The following HTR5A variants were observed in gnomAD, a reference collection of about 807,000 sequenced individuals.
HTR5A encodes 5-HT-5.
In HTR5A, 21 loss-of-function variants were observed where a neutral mutation model predicts 24.3. That is an observed-to-expected ratio of 0.86 (90% CI 0.61 to 1.24). HTR5A has a LOEUF of 1.24. HTR5A is among the 50% of genes most tolerant of loss of function. HTR5A has a pLI of 0.00. For missense variants in HTR5A, 497 were observed against 489.5 expected, an observed-to-expected ratio of 1.02 and a Z score of -0.15; for synonymous variants, 260 against 213.7, an observed-to-expected ratio of 1.22 and a Z score of -1.89.
intron 1 of HTR5A, among the ~76,000 whole-genome samples, chr7:155,082,724 C>T (rs60728459): frequency 0.029 from 4,456 of 152,278 alleles, 197 homozygotes; most frequent in African/African-American, 0.1. Flanking sequence ...AGCTTTCCCT[C>T]TTTCCTTTAT....
chr7:155,073,117 G>A (rs1242989580), intron 1 of HTR5A, among the ~76,000 whole-genome samples: 4 of 151,974 alleles, frequency 2.6e-5, no homozygotes, highest in Non-Finnish European at 5.9e-5. Flanking sequence ...TCAGGAGATC[G>A]AGACCATTCT....
rs564572933 is a variant in HTR5A, at chr7:155,071,104, C to G, written c.205C>G (p.Arg69Gly). The G allele has an allele frequency of 1.7e-5, 28 of 1,606,836 alleles. No individual in the cohort carries two copies. The Admixed American group carries it at 4.7e-4, about 27-fold the overall frequency. Residue 69 changes from arginine to glycine, a missense_variant, in exon 1 of 2, where the codon CGC becomes GGC. Arg to Gly is a moderately radical substitution (Grantham distance 125). Transcript: ENST00000287907. ...GGTGCTGGCGACCATCCTCCGTGTA[C>G]GCACCTTCCACCGCGTGCCCCACAA... ...LLVLATILRV[R>G]TFHRVPHNLV...
chr7:155,086,571 C>T lies in HTR5A; in HGVS notation c.*2084C>T, dbSNP rs1795479465. On this transcript the variant is annotated 3_prime_UTR_variant, in exon 2 of 2. Transcript: ENST00000287907. ...GATAAGCCTCATTATTCTTATCACTCAATATGTATTTAACACCTCTCAGGT... is the reference window on the plus strand; with the variant it reads ...GATAAGCCTCATTATTCTTATCACTTAATATGTATTTAACACCTCTCAGGT... Among the ~76,000 whole-genome samples, 1 of 152,160 alleles carries T rather than the reference C, an allele frequency of 6.6e-6. No homozygotes were observed. Among genetic ancestry groups the T allele is most frequent in the Admixed American group, 6.5e-5 (1 of 15,276 alleles).
intron 1 of HTR5A, among the ~76,000 whole-genome samples, chr7:155,078,874 T>C (rs555610649): frequency 6.6e-6 from 1 of 152,078 alleles, no homozygotes; most frequent in African/African-American, 2.4e-5. Context: ...ATAAATTCTA[T>C]AACAAAAGTT....
chr7:155,080,011 C>G (rs1795398850), intron 1 of HTR5A, among the ~76,000 whole-genome samples: 1 of 152,176 alleles, frequency 6.6e-6, no homozygotes, highest in African/African-American at 2.4e-5. Flanking sequence ...ATCATTAGCC[C>G]TCAGGTCCAG....
At chr7:155,075,722 T>A (rs536565770) in intron 1 of HTR5A, among the ~76,000 whole-genome samples, 2 of 152,338 alleles carry the variant, frequency 1.3e-5, no homozygotes, top group East Asian at 3.9e-4. Context: ...CTTCCATGAC[T>A]GGCCACAAGG....
intron 1 of HTR5A, among the ~76,000 whole-genome samples, chr7:155,074,280 C>A (rs148125162): frequency 6.6e-6 from 1 of 152,122 alleles, no homozygotes; most frequent in African/African-American, 2.4e-5. Flanking sequence ...ATAAGACTTG[C>A]CCTTGTCAAA....
At chr7:155,083,604 A>G (rs746339541) in intron 1 of HTR5A, among the ~76,000 whole-genome samples, 14 of 152,220 alleles carry the variant, frequency 9.2e-5, no homozygotes, top group Non-Finnish European at 1.6e-4. Flanking sequence ...GGGGTAGAGG[A>G]AGACACAGAA....
intron 1 of HTR5A, among the ~76,000 whole-genome samples, chr7:155,081,348 TACC>T (rs1795415294): frequency 6.6e-6 from 1 of 152,194 alleles, no homozygotes; most frequent in South Asian, 2.1e-4. Flanking sequence ...TAAAAGAACA[TACC>T]AGATTTGTGA....
rs994434416 is a variant in HTR5A at position 155,086,900 on chromosome 7, G to A, written c.*2413G>A. ...TCAAAATAACTAATTGTGTTCCCGTGCCAGATTGCAACAACCACCTTTATT... is the reference window on the plus strand; with the variant it reads ...TCAAAATAACTAATTGTGTTCCCGTACCAGATTGCAACAACCACCTTTATT... On this transcript the variant is annotated 3_prime_UTR_variant, in exon 2 of 2. Coordinates refer to ENST00000287907, the MANE Select transcript of HTR5A (RefSeq NM_024012.4). Among the ~76,000 whole-genome samples the A allele has an allele frequency of 6.6e-6, 1 of 152,132 alleles. No homozygotes were observed.
At position 155,084,677 on chromosome 7, in the gene HTR5A, G is replaced by A. The variant is rs1478034525; in HGVS notation, c.*190G>A. 8.7e-6 allele frequency: 5 copies of A among 575,732 alleles called. No homozygotes were observed. The African/African-American group carries it at 9.4e-5, about 11-fold the overall frequency. The allele number at this position is 575,732 out of a possible 1,614,324, so 35.7% of individuals were successfully genotyped here. A position where few individuals can be genotyped will look rare whatever the true frequency, so the allele number is the denominator to read the frequency against. ...GGAATATGACTCCTCATAGAGTTAC[G>A]GTGACATGATGTATCTAACTTATCT... On this transcript the variant is annotated 3_prime_UTR_variant, in exon 2 of 2. Coordinates refer to ENST00000287907, the MANE Select transcript of HTR5A (RefSeq NM_024012.4).
Position 155,070,784 on chromosome 7 carries a change from C to A in HTR5A, c.-116C>A. 1 of 1,102,342 alleles carries A rather than the reference C, an allele frequency of 9.1e-7. No individual in the cohort carries two copies. The highest frequency in any genetic ancestry group is 1.3e-6 in the Non-Finnish European group (1 of 769,004). 68.3% of individuals were successfully genotyped at this position (1,102,342 alleles called of 1,614,324 possible). A position where few individuals can be genotyped will look rare whatever the true frequency, so the allele number is the denominator to read the frequency against. ...CAAATTCACAGGCACTTTCCAGAAA[C>A]TCCCCCACTGGCCAGAGGTTGCAAA... On this transcript the variant is annotated 5_prime_UTR_variant, in exon 1 of 2. Coordinates refer to ENST00000287907, the MANE Select transcript of HTR5A (RefSeq NM_024012.4).
chr7:155,078,751 C>CTTTTTTTTTTTTTTTTTTTTTTTTTT (rs67688182), intron 1 of HTR5A, among the ~76,000 whole-genome samples: 3 of 139,190 alleles, frequency 2.2e-5, no homozygotes, highest in Non-Finnish European at 4.6e-5. Flanking sequence ...TTCTGTGCTT[C>CTTTTTTTTTTTTTTTTTTTTTTTTTT]TTTTTTTTTT....
rs1046252693 is a variant in HTR5A at position 155,086,506 on chromosome 7, A to G, written c.*2019A>G. Among the ~76,000 whole-genome samples, 10 of 152,224 alleles carry G rather than the reference A, an allele frequency of 6.6e-5. No homozygotes were observed. The highest frequency in any genetic ancestry group is 1.3e-4 in the Non-Finnish European group (9 of 68,034). On this transcript the variant is annotated 3_prime_UTR_variant, in exon 2 of 2. Coordinates refer to ENST00000287907, the MANE Select transcript of HTR5A (RefSeq NM_024012.4). ...AACGATGTTATTATAATATTAATTC[A>G]ATCTCCAGCTGAGGGTTTTATTAAT... is the stretch of plus-strand genomic sequence containing the variant.
intron 1 of HTR5A, among the ~76,000 whole-genome samples, chr7:155,072,453 A>G (rs1795308050): frequency 6.6e-6 from 1 of 152,206 alleles, no homozygotes; most frequent in Admixed American, 6.5e-5. Context: ...TATTTACTGC[A>G]TGACAACCAC....
In HTR5A at chr7:155,071,502, C is replaced by G. The variant is rs367906443; in HGVS notation, c.603C>G (p.Ala201=). Residue 201 remains alanine (A), a synonymous_variant, in exon 1 of 2, where the codon GCC becomes GCG. Transcript: ENST00000287907. ...AGGTAAGCCGCGAGCCTTCCTACGC[C>G]GTGTTCTCCACCGTAGGCGCCTTCT... The part of the protein sequence containing the change: ...ECQVSREPSY[A]VFSTVGAFYL... 2 of 1,614,072 alleles carry G rather than the reference C, an allele frequency of 1.2e-6. No homozygotes were observed. The highest frequency in any genetic ancestry group is 2.7e-5 in the African/African-American group (2 of 74,934).
At position 155,071,138 on chromosome 7, in the gene HTR5A, C is replaced by T. The variant is rs896751450; in HGVS notation, c.239C>T (p.Ala80Val). The T allele has an allele frequency of 3.7e-6, 6 of 1,604,852 alleles. No individual in the cohort carries two copies. The Admixed American group carries it at 1.0e-4, about 27-fold the overall frequency. Residue 80 changes from alanine to valine, a missense_variant, in exon 1 of 2, where the codon GCA becomes GTA. By Grantham distance (64) the Ala-to-Val change is moderately conservative (BLOSUM62 0). Coordinates refer to ENST00000287907, the MANE Select transcript of HTR5A (RefSeq NM_024012.4). Reference protein sequence around the residue: ...TFHRVPHNLVASMAVSDVLVA... With the variant: ...TFHRVPHNLVVSMAVSDVLVA... Reference sequence around the variant, plus strand: ...CACCGCGTGCCCCACAACCTGGTGGCATCCATGGCCGTCTCGGATGTCCTG... The same window carrying T: ...CACCGCGTGCCCCACAACCTGGTGGTATCCATGGCCGTCTCGGATGTCCTG...
At chr7:155,073,875 A>ATATATG (rs1388882564) in intron 1 of HTR5A, among the ~76,000 whole-genome samples, 4 of 12,854 alleles carry the variant, frequency 3.1e-4, no homozygotes, top group Non-Finnish European at 2.0e-3. Context: ...GTATATATAT[A>ATATATG]TGTATATATA....
chr7:155,077,778 T>C (rs1485702795), intron 1 of HTR5A, among the ~76,000 whole-genome samples: 1 of 152,212 alleles, frequency 6.6e-6, no homozygotes, highest in Non-Finnish European at 1.5e-5. Context: ...AATAGCTTTA[T>C]TGAATTTTTT....
Sources: gnomAD v4.1 joint callset for allele counts (sites outside exome capture counted in the v4.1 genomes callset) on GRCh38, gnomAD v4.1.1 for gene constraint, MANE v1.5 for transcripts, NCBI Gene and HGNC (gene_info 2026-07-23, HGNC 2026-07-21) for gene names.